Variants in LIN7A observed in about 807,000 individuals in gnomAD.
LIN7A encodes the protein lin-7 cell polarity scaffold A.
In LIN7A, 25 loss-of-function variants were observed where a neutral mutation model predicts 29.8. The ratio of observed to expected loss-of-function variants is 0.84; its 90% confidence interval spans 0.61 to 1.17. The LOEUF is 1.17. Ranked by LOEUF, LIN7A falls within the 50% of genes most tolerant of loss-of-function variation. The pLI is 0.00. For missense variants in LIN7A, 239 were observed against 287.0 expected, an observed-to-expected ratio of 0.83 and a Z score of 1.21; for synonymous variants, 118 against 107.5, an observed-to-expected ratio of 1.10 and a Z score of -0.60.
chr12:80,937,679 G>A lies in LIN7A; in HGVS notation c.44C>T (p.Ala15Val). 1 of 1,565,636 alleles carries A rather than the reference G, an allele frequency of 6.4e-7. No individual in the cohort carries two copies. The highest frequency in any genetic ancestry group is 8.7e-7 in the Non-Finnish European group (1 of 1,152,136). Residue 15 changes from alanine (A) to valine (V), a missense_variant, in exon 1 of 6, where the codon GCG becomes GTG. By Grantham distance (64) the Ala-to-Val change is moderately conservative (BLOSUM62 0). Coordinates refer to ENST00000552864, the MANE Select transcript of LIN7A (RefSeq NM_004664.4). ...GAGCGGCTGGACCACTGTCAATGTC[G>A]CCATGTCTGCCGTGGGAGCCGAAGT... ...SVTSAPTADM[A>V]TLTVVQPLTL...
intron 2 of LIN7A, among the ~76,000 whole-genome samples, chr12:80,854,486 C>A (rs7132488): frequency 0.94 from 101,912 of 108,920 alleles, 47,565 homozygotes; most frequent in Non-Finnish European, 0.97. Flanking sequence ...GTTGCTAAGC[C>A]AAAAAAAAAA....
intron 1 of LIN7A, among the ~76,000 whole-genome samples, chr12:80,918,737 T>C (rs1389065119): frequency 6.6e-6 from 1 of 152,230 alleles, no homozygotes; most frequent in Non-Finnish European, 1.5e-5. Flanking sequence ...AGAGACTCAC[T>C]TAAAATTCAT....
At chr12:80,918,309 C>T (rs55870323) in intron 1 of LIN7A, among the ~76,000 whole-genome samples, 23 of 152,000 alleles carry the variant, frequency 1.5e-4, no homozygotes, top group African/African-American at 5.5e-4. Flanking sequence ...TGGCCTCCCA[C>T]AGTACTGGGA....
intron 4 of LIN7A, among the ~76,000 whole-genome samples, chr12:80,844,413 GAAAC>G: frequency 6.6e-6 from 1 of 152,202 alleles, no homozygotes; most frequent in South Asian, 2.1e-4. Context: ...CTAAAAATAA[GAAAC>G]AAATGAATAA....
intron 4 of LIN7A, among the ~76,000 whole-genome samples, chr12:80,818,888 G>A (rs1446215979): frequency 3.9e-5 from 6 of 152,144 alleles, no homozygotes; most frequent in South Asian, 2.1e-4. Flanking sequence ...GGTTAGATGA[G>A]GGAAATCTTA....
intron 1 of LIN7A, among the ~76,000 whole-genome samples, chr12:80,926,297 C>T (rs933081321): frequency 4.6e-5 from 7 of 152,130 alleles, no homozygotes; most frequent in African/African-American, 1.7e-4. Context: ...ATACAGAAGG[C>T]ATTCAAAAAT....
At chr12:80,814,623 C>CAA (rs1871446020) in intron 4 of LIN7A, among the ~76,000 whole-genome samples, 1 of 152,104 alleles carries the variant, frequency 6.6e-6, no homozygotes. Flanking sequence ...ATTAGGCTCT[C>CAA]ACGGTGGTGG....
chr12:80,856,991 G>A (rs749394902), intron 2 of LIN7A, among the ~76,000 whole-genome samples: 26 of 152,304 alleles, frequency 1.7e-4, no homozygotes, highest in South Asian at 1.7e-3. Context: ...TATCCTTATG[G>A]AAGGAAGATC....
chr12:80,905,888 T>G (rs1485972774), intron 1 of LIN7A, among the ~76,000 whole-genome samples: 1 of 152,166 alleles, frequency 6.6e-6, no homozygotes, highest in Non-Finnish European at 1.5e-5. Context: ...AGCAGCTTAT[T>G]ATTTTCTTGG....
chr12:80,803,006 G>T (rs903563602), intron 5 of LIN7A, among the ~76,000 whole-genome samples: 1 of 152,092 alleles, frequency 6.6e-6, no homozygotes, highest in Non-Finnish European at 1.5e-5. Context: ...CTATTGAGTT[G>T]TTTAAGTTCC....
At chr12:80,808,507 C>CTTTTTTTT (rs200750392) in intron 5 of LIN7A, among the ~76,000 whole-genome samples, 4 of 137,382 alleles carry the variant, frequency 2.9e-5, no homozygotes, top group South Asian at 2.3e-4. Flanking sequence ...TTTCTTTTTT[C>CTTTTTTTT]TTTTTTTTTT....
chr12:80,792,774 C>T lies in LIN7A; in HGVS notation c.*4953G>A, dbSNP rs1456135704. The T allele has an allele frequency of 6.6e-6, 1 of 152,034 alleles. No homozygotes were observed. Among genetic ancestry groups the T allele is most frequent in the African/African-American group, 2.4e-5 (1 of 41,390 alleles). 9.4% of individuals were successfully genotyped at this position (152,034 alleles called of 1,614,324 possible). A position where few individuals can be genotyped will look rare whatever the true frequency, so the allele number is the denominator to read the frequency against. On this transcript the variant is annotated 3_prime_UTR_variant, in exon 6 of 6. Coordinates refer to ENST00000552864, the MANE Select transcript of LIN7A (RefSeq NM_004664.4). ...ATTTTGTTTCTTTCAGTTTTTGTAG[C>T]ACCAAATAGACACAGCGGCTAACAA...
At chr12:80,901,477 TA>T (rs1345768326) in intron 1 of LIN7A, among the ~76,000 whole-genome samples, 7 of 152,146 alleles carry the variant, frequency 4.6e-5, no homozygotes, top group Admixed American at 4.6e-4. Context: ...ACTTAGTACA[TA>T]AAAAACAATC....
At chr12:80,889,563 A>G (rs1455504069) in intron 1 of LIN7A, among the ~76,000 whole-genome samples, 194 bp from the exon 2 acceptor site, 2 of 152,182 alleles carry the variant, frequency 1.3e-5, no homozygotes, top group Admixed American at 1.3e-4. Context: ...CACATCTGTC[A>G]CTTCATACAT....
chr12:80,856,366 C>A (rs1442822817), intron 2 of LIN7A, among the ~76,000 whole-genome samples: 1 of 152,164 alleles, frequency 6.6e-6, no homozygotes, highest in African/African-American at 2.4e-5. Flanking sequence ...GAGGGCTCCA[C>A]CATTAAAGCA....
intron 2 of LIN7A, among the ~76,000 whole-genome samples, chr12:80,850,744 G>A (rs765233579): frequency 2.0e-5 from 3 of 152,138 alleles, no homozygotes; most frequent in African/African-American, 4.8e-5. Flanking sequence ...CCTTTTCTTC[G>A]TACGTGCAAT....
At chr12:80,816,594 A>T (rs1221733825) in intron 4 of LIN7A, among the ~76,000 whole-genome samples, 1 of 152,188 alleles carries the variant, frequency 6.6e-6, no homozygotes, top group Non-Finnish European at 1.5e-5. Context: ...ACATTGATGT[A>T]CAAAGAAATA....
At chr12:80,844,422 G>A (rs1040847784) in intron 4 of LIN7A, among the ~76,000 whole-genome samples, 1 of 152,096 alleles carries the variant, frequency 6.6e-6, no homozygotes, top group African/African-American at 2.4e-5. Context: ...AGAAACAAAT[G>A]AATAAAATTC....
rs760183113 is a variant in LIN7A, at chr12:80,848,360, A to G, written c.202-38T>C. On this transcript the variant is annotated intron_variant, in intron 2 of 5. Transcript: ENST00000552864. ...CATAAAAAGAAGAATGTGTAAGAAC[A>G]TGAAGAATAATAATTCTTTTATTGC... is the stretch of plus-strand genomic sequence containing the variant. 5.9e-6 allele frequency: 8 copies of G among 1,367,222 alleles called. No individual in the cohort carries two copies. The East Asian group carries it at 1.6e-4, about 28-fold the overall frequency. The allele number at this position is 1,367,222 out of a possible 1,614,324, so 84.7% of individuals were successfully genotyped here.
Sources: allele counts gnomAD v4.1 joint callset (sites outside exome capture counted in the v4.1 genomes callset), GRCh38; gene constraint gnomAD v4.1.1; transcripts MANE v1.5; gene names NCBI Gene and HGNC (gene_info 2026-07-23, HGNC 2026-07-21).